DAGLB: variants seen among roughly 807,000 people sequenced by gnomAD.
DAGLB encodes diacylglycerol lipase beta.
DAGLB carries 66 observed loss-of-function variants against 72.1 expected under a neutral mutation model. The observed-to-expected ratio is 0.92, with a 90% CI of 0.75 to 1.12. The LOEUF (loss-of-function observed/expected upper bound fraction) is 1.12. Ranked by LOEUF, DAGLB falls within the 50% of genes most tolerant of loss-of-function variation. DAGLB has a pLI of 0.00. For missense variants in DAGLB, 1,065 were observed against 884.9 expected (o/e 1.20, Z -2.58); for synonymous variants, 414 against 359.5 (o/e 1.15, Z -1.71).
rs141310506 is a variant in DAGLB at position 6,444,533 on chromosome 7, C to T, written c.247+1420G>A. Among the ~76,000 whole-genome samples the T allele has an allele frequency of 4.3e-3, 648 of 151,824 alleles. 1 individual carries two copies. The highest frequency in any genetic ancestry group is 0.015 in the African/African-American group (626 of 41,358). On this transcript the variant is annotated intron_variant, in intron 2 of 14. Coordinates refer to ENST00000297056, the MANE Select transcript of DAGLB (RefSeq NM_139179.4). ...ACAAGAATCACTTGAACCCAGGAGACGGAGGCTGCAGTGAGCAGAGAGCAC... is the reference window on the plus strand; with the variant it reads ...ACAAGAATCACTTGAACCCAGGAGATGGAGGCTGCAGTGAGCAGAGAGCAC...
At chr7:6,431,652 G>T (rs1784492116) in intron 5 of DAGLB, among the ~76,000 whole-genome samples, 2 of 152,110 alleles carry the variant, frequency 1.3e-5, no homozygotes, top group Non-Finnish European at 2.9e-5. Context: ...CACGCCTGTA[G>T]TCCCAGCTAC....
rs1324684254 is a variant in DAGLB, at chr7:6,432,875, GC to G, written c.762del (p.Glu254AspfsTer22). 8 of 1,613,814 alleles carry G rather than the reference GC, an allele frequency of 5.0e-6. No individual in the cohort carries two copies. In the African/African-American group the frequency reaches 1.1e-4, roughly 22 times the overall value. On this transcript the variant is annotated frameshift_variant, in exon 5 of 15. Coordinates refer to ENST00000297056, the MANE Select transcript of DAGLB (RefSeq NM_139179.4). LOFTEE classifies it high-confidence loss of function. ...QQQDNIRNNQ[E>X]PAQVVCHAPG... ...GGGGCATGGCAGACCACCTGGGCAG[GC>G]TCTTGGTTGTTCCTGATATTGTCCT...
chr7:6,430,073 C>T (rs555990429), intron 6 of DAGLB, among the ~76,000 whole-genome samples: 95 of 150,874 alleles, frequency 6.3e-4, no homozygotes, highest in Non-Finnish European at 1.2e-3. Flanking sequence ...GGCATGGTGG[C>T]GGGCACCTGT....
chr7:6,416,947 C>T, intron 9 of DAGLB, 26 bp from the exon 10 acceptor site: 1 of 1,613,296 alleles, frequency 6.2e-7, no homozygotes, highest in South Asian at 1.1e-5. Context: ...AAGAAGGTGG[C>T]CGTTAATCCT....
chr7:6,412,554 G>A (rs1287183380), intron 13 of DAGLB: 3 of 496,428 alleles, frequency 6.0e-6, no homozygotes, highest in African/African-American at 3.8e-5. Context: ...CTGAGGTGCT[G>A]GGATTCCAGG....
intron 8 of DAGLB, among the ~76,000 whole-genome samples, chr7:6,424,076 G>C (rs1226584816): frequency 3.3e-5 from 5 of 152,220 alleles, no homozygotes; most frequent in South Asian, 4.1e-4. Context: ...AGAGGGCTGA[G>C]CACACAGGCT....
intron 5 of DAGLB, among the ~76,000 whole-genome samples, chr7:6,431,337 G>A (rs1158084524): frequency 6.6e-6 from 1 of 152,080 alleles, no homozygotes; most frequent in Non-Finnish European, 1.5e-5. Flanking sequence ...TTATCACCAA[G>A]CAAAGCTGAA....
chr7:6,411,979 G>A (rs1054296332), intron 13 of DAGLB, among the ~76,000 whole-genome samples: 3 of 103,602 alleles, frequency 2.9e-5, no homozygotes, highest in South Asian at 3.3e-4. Context: ...GCTGGAGTGC[G>A]ATCTTGGCTT....
Position 6,447,606 on chromosome 7 carries a change from G to A in DAGLB, c.95+142C>T, listed in dbSNP as rs778279129. The A allele has an allele frequency of 8.3e-6, 10 of 1,204,314 alleles. No individual in the cohort carries two copies. The Admixed American group carries it at 2.1e-4, about 25-fold the overall frequency. 74.6% of individuals were successfully genotyped at this position (1,204,314 alleles called of 1,614,324 possible). On this transcript the variant is annotated intron_variant, in intron 1 of 14. Coordinates refer to ENST00000297056, the MANE Select transcript of DAGLB (RefSeq NM_139179.4). ...ACTGCCCACCTCTTCGGGCAGTGGT[G>A]AGAACTCGATAAGAGGATGCGTGGC...
chr7:6,446,109 CAA>C lies in DAGLB; in HGVS notation c.96-7_96-6del, dbSNP rs748618573. 2,790 of 1,235,532 alleles carry C rather than the reference CAA, an allele frequency of 2.3e-3. No individual in the cohort carries two copies. Among genetic ancestry groups the C allele is most frequent in the South Asian group, 7.3e-3 (481 of 65,988 alleles). The allele number at this position is 1,235,532 out of a possible 1,614,324, so 76.5% of individuals were successfully genotyped here. A position where few individuals can be genotyped will look rare whatever the true frequency, so the allele number is the denominator to read the frequency against. On this transcript the variant is annotated splice_polypyrimidine_tract_variant and splice_region_variant and intron_variant, in intron 1 of 14. Transcript: ENST00000297056. ...AACGTCAGAATGCCAATCCACCTGG[CAA>C]AAAAAAAAAAGGGAAGGGTCAGAAA...
intron 2 of DAGLB, among the ~76,000 whole-genome samples, chr7:6,439,270 G>GAAAAAAAAAAAA (rs60313792): frequency 7.7e-6 from 1 of 130,142 alleles, no homozygotes; most frequent in Admixed American, 7.7e-5. Context: ...GAAAAAAAAA[G>GAAAAAAAAAAAA]AAAAAAAAAA....
intron 7 of DAGLB, among the ~76,000 whole-genome samples, chr7:6,425,752 G>A (rs903896372): frequency 3.9e-5 from 6 of 152,182 alleles, no homozygotes; most frequent in Admixed American, 6.6e-5. Context: ...GAAACACAGC[G>A]CGCTATCTCT....
At chr7:6,434,311 C>T (rs927494267) in intron 4 of DAGLB, among the ~76,000 whole-genome samples, 2 of 151,986 alleles carry the variant, frequency 1.3e-5, no homozygotes, top group Non-Finnish European at 2.9e-5. Flanking sequence ...GTGCTGCAAT[C>T]ATCTATTCAA....
At chr7:6,424,427 G>A (rs907863671) in intron 8 of DAGLB, among the ~76,000 whole-genome samples, 8 of 152,082 alleles carry the variant, frequency 5.3e-5, no homozygotes, top group African/African-American at 7.2e-5. Context: ...GAAATTCCCC[G>A]GGAGGGCTCC....
In DAGLB at chr7:6,432,863, C is replaced by A. The variant is rs770099425; in HGVS notation, c.775G>T (p.Val259Phe). ...IRNNQEPAQV[V>F]CHAPGSSQEA... Reference sequence around the variant, plus strand: ...TGGGAGCTCCCTGGGGCATGGCAGACCACCTGGGCAGGCTCTTGGTTGTTC... The same window carrying A: ...TGGGAGCTCCCTGGGGCATGGCAGAACACCTGGGCAGGCTCTTGGTTGTTC... Residue 259 changes from valine (V) to phenylalanine (F), a missense_variant, in exon 5 of 15, where the codon GTC becomes TTC. Val to Phe is a conservative substitution (Grantham distance 50). Coordinates refer to ENST00000297056, the MANE Select transcript of DAGLB (RefSeq NM_139179.4). 1.2e-6 allele frequency: 2 copies of A among 1,613,814 alleles called. No individual in the cohort carries two copies. The highest frequency in any genetic ancestry group is 8.5e-7 in the Non-Finnish European group (1 of 1,180,018).
intron 1 of DAGLB, among the ~76,000 whole-genome samples, 184 bp downstream of exon 1, chr7:6,447,564 C>G (rs1249086427): frequency 2.0e-5 from 3 of 152,174 alleles, no homozygotes; most frequent in Non-Finnish European, 2.9e-5. Context: ...TGTCATCCGT[C>G]AAATGGACAC....
At chr7:6,424,537 G>A (rs1011679263) in intron 8 of DAGLB, among the ~76,000 whole-genome samples, 1 of 152,158 alleles carries the variant, frequency 6.6e-6, no homozygotes, top group African/African-American at 2.4e-5. Context: ...CCTGCTGGCC[G>A]CTCTGCTGCT....
intron 2 of DAGLB, among the ~76,000 whole-genome samples, chr7:6,440,113 C>T (rs1017730257): frequency 1.3e-4 from 19 of 151,474 alleles, no homozygotes; most frequent in South Asian, 2.1e-4. Flanking sequence ...CCTCAAATGC[C>T]GGGTGCAGTG....
intron 6 of DAGLB, among the ~76,000 whole-genome samples, chr7:6,426,599 C>T (rs1381049924): frequency 6.6e-6 from 1 of 152,150 alleles, no homozygotes; most frequent in East Asian, 1.9e-4. Flanking sequence ...TAATACCTCT[C>T]TGTGTACACT....
Sources: gnomAD v4.1 joint callset for allele counts (sites outside exome capture counted in the v4.1 genomes callset) on GRCh38, gnomAD v4.1.1 for gene constraint, MANE v1.5 for transcripts, NCBI Gene and HGNC (gene_info 2026-07-23, HGNC 2026-07-21) for gene names.